SYT1: variants seen among roughly 807,000 people sequenced by gnomAD.
SYT1 encodes the protein synaptotagmin-1.
A neutral mutation model predicts 44.8 loss-of-function variants in SYT1; 8 were observed. That is an observed-to-expected ratio of 0.18 (90% confidence interval 0.10 to 0.32). The LOEUF is 0.32. SYT1 is among the 10% of genes least tolerant of loss of function. The probability of loss-of-function intolerance (pLI) is 1.00; values close to 1 mark genes in which losing one functional copy is unlikely to be tolerated. For missense variants in SYT1, 286 were observed against 509.3 expected, an observed-to-expected ratio of 0.56 and a Z score of 4.22; for synonymous variants, 154 against 188.8, an observed-to-expected ratio of 0.82 and a Z score of 1.51.
At chr12:79,300,823 A>ATT (rs1491057399) in intron 8 of SYT1, among the ~76,000 whole-genome samples, 27 of 129,272 alleles carry the variant, frequency 2.1e-4, no homozygotes, top group Non-Finnish European at 4.1e-4. Flanking sequence ...ATATATATAT[A>ATT]TTTACTGTCT....
chr12:79,077,258 A>C (rs750706146), intron 3 of SYT1, among the ~76,000 whole-genome samples: 2 of 152,170 alleles, frequency 1.3e-5, no homozygotes, highest in Non-Finnish European at 2.9e-5. Context: ...TACTTTGCCC[A>C]GATACAAAGC....
At position 79,285,902 on chromosome 12, in the gene SYT1, G is replaced by T; in HGVS notation, c.282G>T (p.Lys94Asn). 6.2e-7 allele frequency: 1 copy of T among 1,613,074 alleles called. No individual in the cohort carries two copies. Among genetic ancestry groups the T allele is most frequent in the South Asian group, 1.1e-5 (1 of 90,920 alleles). ...LFKKKNKKKGKEKGGKNAINM... is the reference protein window; with the variant it reads ...LFKKKNKKKGNEKGGKNAINM... ...AAAAGAAAAACAAGAAGAAGGGAAA[G>T]GAAAAAGGAGGGAAGAATGCCATTA... Residue 94 changes from lysine (K) to asparagine (N), a missense_variant, in exon 5 of 11, where the codon AAG becomes AAT. Physicochemically the swap from Lys to Asn is moderately conservative, Grantham distance 94. Coordinates refer to ENST00000261205, the MANE Select transcript of SYT1 (RefSeq NM_005639.3).
At chr12:78,963,737 G>A (rs572199881) in intron 1 of SYT1, among the ~76,000 whole-genome samples, 1 of 152,056 alleles carries the variant, frequency 6.6e-6, no homozygotes, top group Non-Finnish European at 1.5e-5. Flanking sequence ...ATGGAAAAAG[G>A]GTTCAGCTGC....
At chr12:79,126,627 T>A (rs559210308) in intron 3 of SYT1, among the ~76,000 whole-genome samples, 25 of 152,182 alleles carry the variant, frequency 1.6e-4, no homozygotes, top group Non-Finnish European at 3.5e-4. Flanking sequence ...TTTGGAGGAT[T>A]TATATATGCA....
chr12:78,931,485 GAGAA>G (rs1320702152), intron 1 of SYT1, among the ~76,000 whole-genome samples: 1 of 151,772 alleles, frequency 6.6e-6, no homozygotes, highest in Non-Finnish European at 1.5e-5. Flanking sequence ...AAGAAAGAAA[GAGAA>G]AGAGTTAGGT....
chr12:79,365,928 CCAGCAG>C (rs1331355557), intron 9 of SYT1, among the ~76,000 whole-genome samples: 1 of 150,922 alleles, frequency 6.6e-6, no homozygotes, highest in Non-Finnish European at 1.5e-5. Context: ...AACACTCAAT[CCAGCAG>C]CATTATTATG....
At chr12:79,317,245 C>A (rs1431367529) in intron 8 of SYT1, among the ~76,000 whole-genome samples, 1 of 152,110 alleles carries the variant, frequency 6.6e-6, no homozygotes, top group African/African-American at 2.4e-5. Flanking sequence ...TTCAAGTGCC[C>A]GAAGGCAAAG....
intron 2 of SYT1, among the ~76,000 whole-genome samples, chr12:78,991,233 A>G (rs1349136506): frequency 6.6e-6 from 1 of 152,100 alleles, no homozygotes; most frequent in Non-Finnish European, 1.5e-5. Context: ...AGAACCCCTG[A>G]GAAGTTATGT....
At chr12:79,179,161 T>G (rs369637173) in intron 3 of SYT1, among the ~76,000 whole-genome samples, 2 of 70,480 alleles carry the variant, frequency 2.8e-5, no homozygotes, top group Admixed American at 1.6e-4. Flanking sequence ...TATAGATATA[T>G]AGATATAGAT....
intron 9 of SYT1, among the ~76,000 whole-genome samples, chr12:79,434,573 G>A (rs116868503): frequency 6.6e-5 from 10 of 152,220 alleles, no homozygotes; most frequent in African/African-American, 9.6e-5. Context: ...ATGAACTAAG[G>A]CTTAATAAGT....
chr12:78,874,986 A>C (rs1342434519), intron 1 of SYT1, among the ~76,000 whole-genome samples: 1 of 151,602 alleles, frequency 6.6e-6, no homozygotes, highest in Non-Finnish European at 1.5e-5. Context: ...CCTTTACAAG[A>C]CTTGAAGAAA....
At chr12:79,100,593 A>C (rs1878392215) in intron 3 of SYT1, among the ~76,000 whole-genome samples, 1 of 152,090 alleles carries the variant, frequency 6.6e-6, no homozygotes, top group Non-Finnish European at 1.5e-5. Context: ...AAACCAAAAT[A>C]CTTATTATCA....
intron 2 of SYT1, among the ~76,000 whole-genome samples, chr12:79,014,816 A>G (rs1419684790): frequency 9.9e-5 from 15 of 152,000 alleles, no homozygotes; most frequent in East Asian, 7.8e-4. Flanking sequence ...CAACCCAAAT[A>G]TCCAACAATG....
intron 3 of SYT1, among the ~76,000 whole-genome samples, chr12:79,170,783 G>T (rs1453977621): frequency 1.3e-5 from 2 of 152,074 alleles, no homozygotes; most frequent in Non-Finnish European, 2.9e-5. Context: ...CCATACCTAT[G>T]TCCTGAATGG....
In SYT1 at chr12:79,005,407, C is replaced by T. The variant is rs117021644; in HGVS notation, c.-84+27476C>T. ...GCAATCTCAGTTTTCCTTTTGCTGGCTCTAGATCTAGGACAAGTAATTTTA... is the reference window on the plus strand; with the variant it reads ...GCAATCTCAGTTTTCCTTTTGCTGGTTCTAGATCTAGGACAAGTAATTTTA... On this transcript the variant is annotated intron_variant, in intron 2 of 10. Coordinates refer to ENST00000261205, the MANE Select transcript of SYT1 (RefSeq NM_005639.3). Among the ~76,000 whole-genome samples, 826 of 152,050 alleles carry T rather than the reference C, an allele frequency of 5.4e-3. 6 individuals carry two copies. Among genetic ancestry groups the T allele is most frequent in the Non-Finnish European group, 7.0e-3 (479 of 67,954 alleles).
intron 3 of SYT1, among the ~76,000 whole-genome samples, chr12:79,062,980 C>T (rs898879567): frequency 5.3e-5 from 8 of 152,082 alleles, no homozygotes; most frequent in Non-Finnish European, 1.2e-4. Flanking sequence ...AGAATGATTA[C>T]TTCTATCTTT....
intron 4 of SYT1, among the ~76,000 whole-genome samples, chr12:79,231,997 T>G (rs1436394932): frequency 6.6e-6 from 1 of 152,214 alleles, no homozygotes; most frequent in African/African-American, 2.4e-5. Flanking sequence ...GCTGCAAAGT[T>G]GGTCTTCCCA....
chr12:79,338,710 G>C (rs1000115111), intron 8 of SYT1, among the ~76,000 whole-genome samples: 2 of 125,084 alleles, frequency 1.6e-5, no homozygotes, highest in Non-Finnish European at 3.2e-5. Flanking sequence ...TAGGGTACAT[G>C]TGCACAATGT....
At chr12:79,150,495 G>C (rs11112966) in intron 3 of SYT1, among the ~76,000 whole-genome samples, 1 of 152,156 alleles carries the variant, frequency 6.6e-6, no homozygotes, top group African/African-American at 2.4e-5. Context: ...ATTACAATTA[G>C]ACAGGAGGAA....
Sources: gnomAD v4.1 joint callset for allele counts (sites outside exome capture counted in the v4.1 genomes callset) on GRCh38, gnomAD v4.1.1 for gene constraint, MANE v1.5 for transcripts, NCBI Gene and HGNC (gene_info 2026-07-23, HGNC 2026-07-21) for gene names.